Variants in SZT2 observed in about 807,000 individuals in gnomAD.
SZT2 encodes the protein SZT2 subunit of KICSTOR complex, also known as KICSTOR complex protein SZT2.
Under a neutral mutation model 404.2 loss-of-function variants are expected in SZT2, and 216 were observed. The observed-to-expected ratio is 0.53, with a 90% CI of 0.48 to 0.60. The LOEUF is 0.60. Ranked by LOEUF, SZT2 falls within the 20% of genes least tolerant of loss-of-function variation. The probability of loss-of-function intolerance (pLI) is 0.00; values close to 1 mark genes in which losing one functional copy is unlikely to be tolerated. For synonymous variants in SZT2, 1,693 were observed against 1,749.9 expected, an observed-to-expected ratio of 0.97 and a Z score of 0.81; for missense variants, 3,857 against 4,459.2, an observed-to-expected ratio of 0.86 and a Z score of 3.85.
At chr1:43,429,609 A>C in intron 28 of SZT2, 94 bp from the exon 29 acceptor site, 1 of 1,529,722 alleles carries the variant, frequency 6.5e-7, no homozygotes, top group South Asian at 1.2e-5. Flanking sequence ...CCTGTGGACA[A>C]AAAGGCTTCC....
chr1:43,431,534 C>T lies in SZT2; in HGVS notation c.5088+11C>T. On this transcript the variant is annotated intron_variant, in intron 35 of 71. Transcript: ENST00000634258. ...ACCACCATGAATGAGGTGAGCCCCCCACCCCCAACACTGTAACTGATTCCC... is the reference window on the plus strand; with the variant it reads ...ACCACCATGAATGAGGTGAGCCCCCTACCCCCAACACTGTAACTGATTCCC... The T allele has an allele frequency of 1.2e-6, 2 of 1,614,118 alleles. No homozygotes were observed. Among genetic ancestry groups the T allele is most frequent in the South Asian group, 2.2e-5 (2 of 91,076 alleles).
chr1:43,453,608 G>A lies in SZT2; in HGVS notation c.*3128G>A. On this transcript the variant is annotated 3_prime_UTR_variant, in exon 72 of 72. Coordinates refer to ENST00000634258, the MANE Select transcript of SZT2 (RefSeq NM_001365999.1). ...CCCGCGACGCACCCGGGGGCGTGTT[G>A]ATCAGTACAAGCCGCAGCCCCGCTT... The A allele has an allele frequency of 6.5e-7, 1 of 1,530,152 alleles. No homozygotes were observed. The highest frequency in any genetic ancestry group is 8.8e-7 in the Non-Finnish European group (1 of 1,139,786). The allele number at this position is 1,530,152 out of a possible 1,614,324, so 94.8% of individuals were successfully genotyped here. A position where few individuals can be genotyped will look rare whatever the true frequency, so the allele number is the denominator to read the frequency against.
chr1:43,412,781 A>G (rs1261121492), intron 4 of SZT2: 2 of 152,120 alleles, frequency 1.3e-5, no homozygotes, highest in African/African-American at 4.8e-5. Flanking sequence ...AAGGAGCTCA[A>G]ACAACTCTAT....
rs1374024586 is a variant in SZT2 at position 43,422,490 on chromosome 1, A to C, written c.1780A>C (p.Lys594Gln). 6.3e-7 allele frequency: 1 copy of C among 1,588,616 alleles called. No homozygotes were observed. Among genetic ancestry groups the C allele is most frequent in the African/African-American group, 1.3e-5 (1 of 74,638 alleles). Reference sequence around the variant, plus strand: ...CACCCCTCTTCCTAGACCAATCCCCAAGCACTTGCACACCCCGGGCAGCAA... The same window carrying C: ...CACCCCTCTTCCTAGACCAATCCCCCAGCACTTGCACACCCCGGGCAGCAA... ...LILEHDTPIP[K>Q]HLHTPGSNGR... is the part of the protein sequence containing the mutation. The change falls in exon 13 of 72, where the codon AAG (lysine) becomes CAG (glutamine). Residue 594 changes from lysine to glutamine, a missense_variant. Physicochemically the swap from Lys to Gln is moderately conservative, Grantham distance 53 (BLOSUM62 1). This residue lies in a region of SZT2 where 1,725 missense variants were observed against 1,881.0 expected (regional missense o/e 0.92). Coordinates refer to ENST00000634258, the MANE Select transcript of SZT2 (RefSeq NM_001365999.1).
At chr1:43,390,897 A>G (rs1276382621) in intron 1 of SZT2, among the ~76,000 whole-genome samples, 1 of 152,238 alleles carries the variant, frequency 6.6e-6, no homozygotes, top group Non-Finnish European at 1.5e-5. Context: ...TCATTACTGC[A>G]TACATACTGC....
At position 43,443,641 on chromosome 1, in the gene SZT2, C is replaced by T; in HGVS notation, c.8670C>T (p.Pro2890=). ...PESGSGSREA[P]TSCESLDVSP... is the part of the protein sequence containing the mutation. ...CAGGGTCTGGGAGCCGAGAGGCCCC[C>T]ACAAGCTGTGAATCCTTGGATGTGT... The change falls in exon 62 of 72, where the codon CCC becomes CCT. Residue 2890 remains proline (P), a synonymous_variant. Coordinates refer to ENST00000634258, the MANE Select transcript of SZT2 (RefSeq NM_001365999.1). The T allele has an allele frequency of 6.2e-7, 1 of 1,614,214 alleles. No individual in the cohort carries two copies. The highest frequency in any genetic ancestry group is 8.5e-7 in the Non-Finnish European group (1 of 1,180,044).
rs1280770636 is a variant in SZT2 at position 43,453,052 on chromosome 1, C to T, written c.*2572C>T. On this transcript the variant is annotated 3_prime_UTR_variant, in exon 72 of 72. Coordinates refer to ENST00000634258, the MANE Select transcript of SZT2 (RefSeq NM_001365999.1). ...CTACCTGTAAGCAGCTTTCTCTGAT[C>T]CAGACAGGGTTAGGTGCCTACCCTG... is the stretch of plus-strand genomic sequence containing the variant. The T allele has an allele frequency of 8.3e-7, 1 of 1,201,370 alleles. No individual in the cohort carries two copies. The highest frequency in any genetic ancestry group is 1.2e-6 in the Non-Finnish European group (1 of 822,114). The allele number at this position is 1,201,370 out of a possible 1,614,324, so 74.4% of individuals were successfully genotyped here.
At chr1:43,394,931 A>T (rs1454259012) in intron 1 of SZT2, among the ~76,000 whole-genome samples, 4 of 152,094 alleles carry the variant, frequency 2.6e-5, no homozygotes, top group Admixed American at 2.6e-4. Context: ...ACTTTGAAGG[A>T]TCATATGTAA....
chr1:43,389,907 G>C lies in SZT2; in HGVS notation c.-62G>C, dbSNP rs839753. The C allele has an allele frequency of 0.65, 1,005,236 of 1,553,340 alleles. 327,454 individuals are homozygous for C. The highest frequency in any genetic ancestry group is 0.69 in the African/African-American group (50,029 of 72,980). ...GGTTCCTGCTGGGTGCCGAGGTAGC[G>C]AGGTCAGGGGTCAAGAGTGGAACAC... On this transcript the variant is annotated 5_prime_UTR_variant, in exon 1 of 72. Transcript: ENST00000634258.
chr1:43,435,298 C>A lies in SZT2; in HGVS notation c.6003C>A (p.His2001Gln). The change falls in exon 42 of 72, where the codon CAC (histidine) becomes CAA (glutamine). Residue 2001 changes from histidine to glutamine, a missense_variant. His to Gln is a conservative substitution (Grantham distance 24, BLOSUM62 0). Around this residue, in one of 7 missense-constraint regions of SZT2, gnomAD observed 1,725 missense variants for 1,881.0 expected, o/e 0.92. Transcript: ENST00000634258. The part of the protein sequence containing the change: ...EDLWRSETPF[H>Q]SRQRAPLPSD... ...TGTGGCGCAGTGAGACTCCCTTCCA[C>A]TCCCGTCAGCGGGCACCACTGCCCA... is the stretch of plus-strand genomic sequence containing the variant. 6.2e-7 allele frequency: 1 copy of A among 1,614,224 alleles called. No homozygotes were observed. The highest frequency in any genetic ancestry group is 8.5e-7 in the Non-Finnish European group (1 of 1,180,042).
intron 28 of SZT2, 46 bp downstream of exon 28, chr1:43,428,532 G>T: frequency 6.3e-7 from 1 of 1,590,788 alleles, no homozygotes. Flanking sequence ...CACAGACCAA[G>T]TCCCTATAAA....
chr1:43,401,508 A>G (rs1220223242), intron 1 of SZT2, among the ~76,000 whole-genome samples: 4 of 151,828 alleles, frequency 2.6e-5, no homozygotes, highest in Non-Finnish European at 5.9e-5. Flanking sequence ...TTTTTTTGAG[A>G]TGGAGTCTCA....
intron 1 of SZT2, among the ~76,000 whole-genome samples, chr1:43,398,140 T>C (rs1649223045): frequency 6.6e-6 from 1 of 152,216 alleles, no homozygotes; most frequent in African/African-American, 2.4e-5. Flanking sequence ...AAAAAGTATT[T>C]AGTACCAAAG....
chr1:43,450,194 G>A lies in SZT2; in HGVS notation c.10155+23G>A. ...ACGGTAAGAACGAGTGGGGGGCTTT[G>A]TGTCAGCCTCATGGGAGGCCGTACC... is the stretch of plus-strand genomic sequence containing the variant. On this transcript the variant is annotated intron_variant, in intron 71 of 71. Coordinates refer to ENST00000634258, the MANE Select transcript of SZT2 (RefSeq NM_001365999.1). This position sits in a 1 kb window ranked among gnomAD's most constrained non-coding sequence, Gnocchi z 4.3. 6.2e-7 allele frequency: 1 copy of A among 1,614,060 alleles called. No individual in the cohort carries two copies. Among genetic ancestry groups the A allele is most frequent in the African/African-American group, 1.3e-5 (1 of 75,022 alleles).
At chr1:43,398,348 A>G (rs1649251774) in intron 1 of SZT2, among the ~76,000 whole-genome samples, 1 of 152,244 alleles carries the variant, frequency 6.6e-6, no homozygotes, top group African/African-American at 2.4e-5. Context: ...CCTATGTGCC[A>G]GGCACTGCAC....
chr1:43,439,344 T>C lies in SZT2; in HGVS notation c.6793-14T>C. On this transcript the variant is annotated splice_polypyrimidine_tract_variant and intron_variant, in intron 48 of 71. Coordinates refer to ENST00000634258, the MANE Select transcript of SZT2 (RefSeq NM_001365999.1). This position sits in a 1 kb window ranked among gnomAD's most constrained non-coding sequence, Gnocchi z 4.2. ...TTGCTTGCTCTTAGTGCTCTGTGGC[T>C]GTTCTTTCCCCAGCATCCACTCCCA... 1 of 1,613,938 alleles carries C rather than the reference T, an allele frequency of 6.2e-7. No individual in the cohort carries two copies. Among genetic ancestry groups the C allele is most frequent in the Non-Finnish European group, 8.5e-7 (1 of 1,179,906 alleles).
At position 43,443,768 on chromosome 1, in the gene SZT2, C is replaced by A. The variant is rs758835465; in HGVS notation, c.8797C>A (p.Pro2933Thr). The change falls in exon 62 of 72, where the codon CCA (proline) becomes ACA (threonine). Residue 2933 changes from proline to threonine, a missense_variant. Transcript: ENST00000634258. ...YLQSIGFVLVPLRPPSPARST... is the reference protein window; with the variant it reads ...YLQSIGFVLVTLRPPSPARST... Reference sequence around the variant, plus strand: ...GCAGAGCATAGGTTTTGTGCTGGTACCACTGCGGCCCCCCTCACCCGCCCG... The same window carrying A: ...GCAGAGCATAGGTTTTGTGCTGGTAACACTGCGGCCCCCCTCACCCGCCCG... 1 of 1,613,748 alleles carries A rather than the reference C, an allele frequency of 6.2e-7. No individual in the cohort carries two copies. The highest frequency in any genetic ancestry group is 2.2e-5 in the East Asian group (1 of 44,890).
At position 43,448,410 on chromosome 1, in the gene SZT2, C is replaced by A; in HGVS notation, c.9895C>A (p.Leu3299Met). 6.3e-7 allele frequency: 1 copy of A among 1,587,186 alleles called. No individual in the cohort carries two copies. The highest frequency in any genetic ancestry group is 8.6e-7 in the Non-Finnish European group (1 of 1,166,892). The change falls in exon 69 of 72, where the codon CTG becomes ATG. Residue 3299 changes from leucine to methionine, a missense_variant. Leu to Met is a conservative substitution (Grantham distance 15). Transcript: ENST00000634258. The surrounding 1 kb of genome is among the most constrained non-coding windows in gnomAD (Gnocchi z 4.2). ...TGATCGACTGCGGCTAGGGGGGCGC[C>A]TGGCCCTGGCAGAGCTGGAGGAACT... ...GPDRLRLGGR[L>M]ALAELEELLE... is the part of the protein sequence containing the mutation.
chr1:43,439,825 G>A lies in SZT2; in HGVS notation c.7042+56G>A, dbSNP rs187761963. The A allele has an allele frequency of 1.2e-4, 186 of 1,562,996 alleles. 1 individual carries two copies. Among genetic ancestry groups the A allele is most frequent in the South Asian group, 6.2e-4 (51 of 81,882 alleles). The stretch of plus-strand genomic sequence containing the variant: ...TCAGTTATTGCTGTGGGAGGTAAGG[G>A]TGGTGAGTAGAGTGGGATCTAGGGA... On this transcript the variant is annotated intron_variant, in intron 50 of 71. Coordinates refer to ENST00000634258, the MANE Select transcript of SZT2 (RefSeq NM_001365999.1). The surrounding 1 kb of genome is among the most constrained non-coding windows in gnomAD (Gnocchi z 4.2).
Sources: gnomAD v4.1 joint callset for allele counts (sites outside exome capture counted in the v4.1 genomes callset) on GRCh38, gnomAD v4.1.1 for gene constraint, gnomAD v4.1.1 regional missense constraint, Gnocchi (gnomAD v3.1) non-coding constraint, MANE v1.5 for transcripts, NCBI Gene and HGNC (gene_info 2026-07-23, HGNC 2026-07-21) for gene names.